The following TENM1 variants were observed in gnomAD, a reference collection of about 807,000 sequenced individuals.
TENM1 encodes teneurin transmembrane protein 1.
Under a neutral mutation model 174.8 loss-of-function variants are expected in TENM1, and 35 were observed. That is an observed-to-expected ratio of 0.20 (90% CI 0.15 to 0.27). The LOEUF is 0.27. Among genes scored for constraint, TENM1 ranks in the 10% least tolerant of loss-of-function variants. The pLI is 1.00. For synonymous variants in TENM1, 781 were observed against 798.7 expected, an observed-to-expected ratio of 0.98 and a Z score of 0.37; for missense variants, 1,633 against 2,130.1, an observed-to-expected ratio of 0.77 and a Z score of 4.59.
intron 3 of TENM1, among the ~76,000 whole-genome samples, chrX:124,775,494 G>T (rs2054761586): frequency 2.7e-5 from 3 of 111,219 alleles, no homozygotes; most frequent in Admixed American, 1.9e-4. Context: ...ATTAGTGGGT[G>T]AGCATGCCAC....
chrX:124,604,023 A>G (rs1246265525), intron 11 of TENM1, among the ~76,000 whole-genome samples: 1 of 111,754 alleles, frequency 8.9e-6, no homozygotes, highest in East Asian at 2.8e-4. Flanking sequence ...TCACAATAAC[A>G]TGTTCACCCT....
At chrX:124,811,839 A>G (rs1180406273) in intron 3 of TENM1, among the ~76,000 whole-genome samples, 1 of 111,429 alleles carries the variant, frequency 9.0e-6, no homozygotes, top group Non-Finnish European at 1.9e-5. Flanking sequence ...AAGCCATGAA[A>G]AAGGAAATCC....
Position 124,433,293 on chromosome X carries a change from T to A in TENM1, c.4105-10655A>T, listed in dbSNP as rs773667892. ...GATGAATCACCTATGATTGGAAAATTAAATTAAACTAAATTGAAATAAATT... is the reference window on the plus strand; with the variant it reads ...GATGAATCACCTATGATTGGAAAATAAAATTAAACTAAATTGAAATAAATT... On this transcript the variant is annotated intron_variant, in intron 23 of 31. Transcript: ENST00000422452. 1.1e-3 allele frequency among the ~76,000 whole-genome samples: 122 copies of A among 112,143 alleles called. 2 individuals are homozygous for A. Among genetic ancestry groups the A allele is most frequent in the Admixed American group, 5.7e-3 (60 of 10,592 alleles).
chrX:124,837,807 A>AG (rs1444561577), intron 3 of TENM1, among the ~76,000 whole-genome samples: 5 of 112,222 alleles, frequency 4.5e-5, no homozygotes, highest in Non-Finnish European at 9.4e-5. Flanking sequence ...GAAAAAAAAA[A>AG]CAGGTAGAAA....
the TENM1 span, among the ~76,000 whole-genome samples, chrX:125,169,161 C>A: frequency 9.0e-6 from 1 of 111,154 alleles, no homozygotes; most frequent in South Asian, 3.8e-4. Flanking sequence ...CTTATGATCA[C>A]TAGATATTAT....
the TENM1 span, among the ~76,000 whole-genome samples, chrX:125,147,114 CTTAT>C: frequency 9.4e-6 from 1 of 106,316 alleles, no homozygotes; most frequent in African/African-American, 3.4e-5. Flanking sequence ...TTATATATAT[CTTAT>C]TTATATATAC....
At chrX:124,425,593 T>A (rs926074910) in intron 23 of TENM1, among the ~76,000 whole-genome samples, 5 of 112,486 alleles carry the variant, frequency 4.4e-5, no homozygotes, top group African/African-American at 1.6e-4. Flanking sequence ...GCCAGTGCCA[T>A]GCTCTTGGAC....
At chrX:124,767,288 T>C (rs950887147) in intron 3 of TENM1, among the ~76,000 whole-genome samples, 3 of 111,712 alleles carry the variant, frequency 2.7e-5, no homozygotes, top group Non-Finnish European at 5.7e-5. Flanking sequence ...ACACAACTTA[T>C]TATCTATCAG....
chrX:124,765,960 T>C (rs917961722), intron 3 of TENM1, among the ~76,000 whole-genome samples: 6 of 112,053 alleles, frequency 5.4e-5, no homozygotes, highest in Admixed American at 4.8e-4. Flanking sequence ...ATTTGAAGGA[T>C]TAAAAGGTTC....
chrX:125,142,331 C>T, the TENM1 span, among the ~76,000 whole-genome samples: 6 of 111,046 alleles, frequency 5.4e-5, no homozygotes, highest in African/African-American at 1.6e-4. Context: ...AGTCAATGAT[C>T]GATGATTTTA....
At chrX:125,163,505 G>C in the TENM1 span, among the ~76,000 whole-genome samples, 1 of 111,014 alleles carries the variant, frequency 9.0e-6, no homozygotes, top group African/African-American at 3.3e-5. Context: ...AAGTAAGTTT[G>C]ACATGACATT....
chrX:124,799,183 T>C (rs999194935), intron 3 of TENM1, among the ~76,000 whole-genome samples: 1 of 111,484 alleles, frequency 9.0e-6, no homozygotes, highest in Non-Finnish European at 1.9e-5. Context: ...GCTCTTTTTT[T>C]GTTCCATATG....
In TENM1 at chrX:124,580,736, T is replaced by A. The variant is rs376151755; in HGVS notation, c.2078-15176A>T. Reference sequence around the variant, plus strand: ...TTTCATTAAAAAGTTTTTTTACCTTTTATTTTAGATTCAGGAGGTACACAT... The same window carrying A: ...TTTCATTAAAAAGTTTTTTTACCTTATATTTTAGATTCAGGAGGTACACAT... On this transcript the variant is annotated intron_variant, in intron 11 of 31. Transcript: ENST00000422452. Among the ~76,000 whole-genome samples, 33 of 111,217 alleles carry A rather than the reference T, an allele frequency of 3.0e-4. 1 individual carries two copies. The highest frequency in any genetic ancestry group is 9.5e-4 in the African/African-American group (29 of 30,617).
chrX:125,149,344 C>T, the TENM1 span, among the ~76,000 whole-genome samples: 3 of 111,691 alleles, frequency 2.7e-5, no homozygotes, highest in Non-Finnish European at 5.7e-5. Flanking sequence ...GAATTAACTT[C>T]CTCTATCTGC....
intron 11 of TENM1, among the ~76,000 whole-genome samples, chrX:124,571,390 A>T (rs1453915446): frequency 8.9e-6 from 1 of 111,875 alleles, no homozygotes; most frequent in East Asian, 2.8e-4. Context: ...AGTAGAAAAG[A>T]AGAAGAATTG....
chrX:125,153,873 T>C, the TENM1 span, among the ~76,000 whole-genome samples: 893 of 112,438 alleles, frequency 7.9e-3, 18 homozygotes, highest in African/African-American at 0.027. Context: ...CTGCACTTAA[T>C]AGACCAGTTT....
chrX:125,114,578 T>C, the TENM1 span, among the ~76,000 whole-genome samples: 4 of 109,455 alleles, frequency 3.7e-5, no homozygotes, highest in Non-Finnish European at 7.6e-5. Flanking sequence ...CTCACAGAAA[T>C]ACAAACTACC....
In TENM1 at chrX:124,604,031, C is replaced by A. The variant is rs775287471; in HGVS notation, c.2077+37760G>T. On this transcript the variant is annotated intron_variant, in intron 11 of 31. Transcript: ENST00000422452. ...CTTTTGATCACAATAACATGTTCAC[C>A]CTTTAATATGATCATATTCTTCCTT... Among the ~76,000 whole-genome samples, 56 of 111,287 alleles carry A rather than the reference C, an allele frequency of 5.0e-4. 1 individual carries two copies. The South Asian group carries it at 0.017, about 34-fold the overall frequency.
At chrX:124,757,266 C>A (rs1227888650) in intron 3 of TENM1, among the ~76,000 whole-genome samples, 1 of 112,270 alleles carries the variant, frequency 8.9e-6, no homozygotes, top group Non-Finnish European at 1.9e-5. Context: ...TAGCAATCAG[C>A]GAGACTCCGT....
Sources: gnomAD v4.1 joint callset for allele counts (sites outside exome capture counted in the v4.1 genomes callset) on GRCh38, gnomAD v4.1.1 for gene constraint, MANE v1.5 for transcripts, NCBI Gene and HGNC (gene_info 2026-07-23, HGNC 2026-07-21) for gene names.